MYZAP: variants seen among roughly 807,000 people sequenced by gnomAD.
MYZAP encodes the protein myocardial zonula adherens protein.
MYZAP carries 66 observed loss-of-function variants against 69.4 expected under a neutral mutation model. The ratio of observed to expected loss-of-function variants is 0.95; its 90% CI spans 0.78 to 1.17. The LOEUF (loss-of-function observed/expected upper bound fraction) is 1.17. Ranked by LOEUF, MYZAP falls within the 50% of genes most tolerant of loss-of-function variation. The pLI, the probability that MYZAP is intolerant of heterozygous loss-of-function variation, is 0.00. For synonymous variants in MYZAP, 256 were observed against 205.9 expected (o/e 1.24, Z -2.09); for missense variants, 611 against 556.2 (o/e 1.10, Z -0.99).
intron 2 of MYZAP, among the ~76,000 whole-genome samples, chr15:57,614,208 C>G (rs1173490685): frequency 2.6e-5 from 4 of 152,232 alleles, no homozygotes; most frequent in Non-Finnish European, 5.9e-5. Context: ...CCTCTCCCAA[C>G]TTCTAAAGTT....
chr15:57,646,836 G>A, intron 10 of MYZAP: 1 of 985,460 alleles, frequency 1.0e-6, no homozygotes, highest in South Asian at 4.7e-5. Flanking sequence ...ACGAAAAGGA[G>A]TGTATCTGAT....
At chr15:57,630,218 T>G (rs2036421015) in intron 6 of MYZAP, among the ~76,000 whole-genome samples, 1 of 152,220 alleles carries the variant, frequency 6.6e-6, no homozygotes, top group Non-Finnish European at 1.5e-5. Flanking sequence ...TCCGCCTGCC[T>G]TGGCCTCCCA....
intron 10 of MYZAP, among the ~76,000 whole-genome samples, chr15:57,641,395 T>C (rs1296688060): frequency 6.6e-6 from 1 of 152,188 alleles, no homozygotes; most frequent in African/African-American, 2.4e-5. Context: ...CATATGTATA[T>C]GTGTATTTAT....
At chr15:57,681,531 C>T (rs2039440776) in intron 12 of MYZAP, among the ~76,000 whole-genome samples, 1 of 152,202 alleles carries the variant, frequency 6.6e-6, no homozygotes, top group African/African-American at 2.4e-5. Context: ...CGCCTGTAAT[C>T]CCAGCACTTT....
chr15:57,632,332 G>A lies in MYZAP; in HGVS notation c.679-102G>A, dbSNP rs1314349721. 14 of 1,556,118 alleles carry A rather than the reference G, an allele frequency of 9.0e-6. No individual in the cohort carries two copies. The East Asian group carries it at 2.7e-4, about 30-fold the overall frequency. On this transcript the variant is annotated intron_variant, in intron 6 of 12. Coordinates refer to ENST00000267853, the MANE Select transcript of MYZAP (RefSeq NM_001018100.5). ...TCTCTGCTGCAGAACCCAGTGGATG[G>A]GCTCACTACCTCTGTGAGTCCCCAC...
intron 10 of MYZAP, among the ~76,000 whole-genome samples, chr15:57,656,301 CATTT>C (rs2038008331): frequency 6.6e-6 from 1 of 152,164 alleles, no homozygotes; most frequent in African/African-American, 2.4e-5. Flanking sequence ...TTGATTCATT[CATTT>C]GTTATCTGAG....
intron 10 of MYZAP, chr15:57,647,898 C>G (rs1410368020): frequency 1.0e-6 from 1 of 985,268 alleles, no homozygotes; most frequent in Non-Finnish European, 1.2e-6. Flanking sequence ...TTGACTTATA[C>G]TGCTTGTGAA....
chr15:57,677,777 T>C (rs1261929085), intron 12 of MYZAP, among the ~76,000 whole-genome samples: 1 of 152,230 alleles, frequency 6.6e-6, no homozygotes, highest in African/African-American at 2.4e-5. Context: ...AGCCAGCTGC[T>C]AGCTGAGCTC....
chr15:57,594,537 G>A (rs151271117), intron 1 of MYZAP, among the ~76,000 whole-genome samples: 10 of 152,310 alleles, frequency 6.6e-5, no homozygotes, highest in African/African-American at 2.4e-4. Context: ...ATATAATCAT[G>A]TACTGCATAA....
intron 10 of MYZAP, among the ~76,000 whole-genome samples, chr15:57,657,070 A>G (rs2038046400): frequency 6.6e-6 from 1 of 152,066 alleles, no homozygotes; most frequent in Non-Finnish European, 1.5e-5. Context: ...TTAAACTACC[A>G]TCTAGGGGAC....
intron 10 of MYZAP, 42 bp downstream of exon 10, chr15:57,639,587 G>C (rs746766190): frequency 1.7e-5 from 27 of 1,590,352 alleles, no homozygotes; most frequent in Non-Finnish European, 2.3e-5. Flanking sequence ...ATTGCTTCCT[G>C]TGGTGGGGAA....
intron 2 of MYZAP, among the ~76,000 whole-genome samples, chr15:57,613,645 A>G (rs1182390092): frequency 2.6e-5 from 4 of 151,898 alleles, no homozygotes; most frequent in African/African-American, 9.7e-5. Context: ...TGCTGGGATT[A>G]TAAGCATGAG....
intron 11 of MYZAP, among the ~76,000 whole-genome samples, chr15:57,669,927 C>A (rs1382965721): frequency 6.6e-6 from 1 of 151,966 alleles, no homozygotes; most frequent in Non-Finnish European, 1.5e-5. Flanking sequence ...TATTTAATTT[C>A]CAAATAGTTG....
chr15:57,659,021 G>C (rs1192990503), intron 10 of MYZAP, among the ~76,000 whole-genome samples: 3 of 152,156 alleles, frequency 2.0e-5, no homozygotes, highest in Non-Finnish European at 2.9e-5. Context: ...TCCTTTCCAA[G>C]TAAGGAGTTG....
chr15:57,646,306 CA>C, intron 10 of MYZAP: 1 of 1,240,366 alleles, frequency 8.1e-7, no homozygotes, highest in Non-Finnish European at 1.0e-6. Context: ...AGCCAATGAA[CA>C]AAACAGGAAG....
At chr15:57,637,191 A>G (rs1264222421) in intron 8 of MYZAP, among the ~76,000 whole-genome samples, 4 of 152,228 alleles carry the variant, frequency 2.6e-5, no homozygotes, top group Non-Finnish European at 5.9e-5. Flanking sequence ...TCCATGTAAG[A>G]TAACACATAG....
chr15:57,635,435 G>A (rs1438608510), intron 8 of MYZAP, among the ~76,000 whole-genome samples: 4 of 152,186 alleles, frequency 2.6e-5, no homozygotes, highest in Non-Finnish European at 4.4e-5. Context: ...GGTTCTGAAA[G>A]TTTCTTGTCT....
chr15:57,656,490 A>G (rs2038016474), intron 10 of MYZAP, among the ~76,000 whole-genome samples: 1 of 152,230 alleles, frequency 6.6e-6, no homozygotes, highest in Non-Finnish European at 1.5e-5. Context: ...TACCAGCCAC[A>G]CAAGTGTGTG....
At chr15:57,632,328 G>A in intron 6 of MYZAP, 106 bp from the exon 7 acceptor site, 1 of 1,544,618 alleles carries the variant, frequency 6.5e-7, no homozygotes, top group East Asian at 2.3e-5. Flanking sequence ...GAACCCAGTG[G>A]ATGGGCTCAC....
Sources: allele counts gnomAD v4.1 joint callset (sites outside exome capture counted in the v4.1 genomes callset), GRCh38; gene constraint gnomAD v4.1.1; transcripts MANE v1.5; gene names NCBI Gene and HGNC (gene_info 2026-07-23, HGNC 2026-07-21).